Variants in BTBD9 observed in about 807,000 individuals in gnomAD.
BTBD9 encodes BTB domain containing 9, also known as BTB/POZ domain-containing protein 9.
In BTBD9, 49 loss-of-function variants were observed where a neutral mutation model predicts 64.3. The observed-to-expected ratio is 0.76, with a 90% confidence interval of 0.61 to 0.97. BTBD9 has a LOEUF of 0.97. Ranked by LOEUF, BTBD9 falls within the 50% of genes least tolerant of loss-of-function variation. The pLI, the probability that BTBD9 is intolerant of heterozygous loss-of-function variation, is 0.00. For missense variants in BTBD9, 598 were observed against 762.1 expected, an observed-to-expected ratio of 0.78 and a Z score of 2.53; for synonymous variants, 260 against 274.7, an observed-to-expected ratio of 0.95 and a Z score of 0.53.
At position 38,184,144 on chromosome 6, in the gene BTBD9, C is replaced by T. The variant is rs1248714881; in HGVS notation, c.1641+8375G>A. Among the ~76,000 whole-genome samples the T allele has an allele frequency of 2.0e-5, 3 of 152,224 alleles. No individual in the cohort carries two copies. Among genetic ancestry groups the T allele is most frequent in the African/African-American group, 4.8e-5 (2 of 41,456 alleles). On this transcript the variant is annotated intron_variant, in intron 10 of 10. Coordinates refer to ENST00000481247, the MANE Select transcript of BTBD9 (RefSeq NM_001099272.2). The surrounding 1 kb of genome is among the most constrained non-coding windows in gnomAD (Gnocchi z 4.4). Reference sequence around the variant, plus strand: ...TGAGATGCTGTGTTTGCTTACCCATCCTCTGTGGATGGACGCTCGTGGTAT... The same window carrying T: ...TGAGATGCTGTGTTTGCTTACCCATTCTCTGTGGATGGACGCTCGTGGTAT...
chr6:38,587,952 C>G, intron 4 of BTBD9: 1 of 730,252 alleles, frequency 1.4e-6, no homozygotes, highest in East Asian at 2.5e-5. Flanking sequence ...TCAGGAACAT[C>G]TGACAGCATT....
chr6:38,533,930 A>T (rs749554509), intron 6 of BTBD9, among the ~76,000 whole-genome samples: 10 of 152,252 alleles, frequency 6.6e-5, no homozygotes, highest in Admixed American at 1.3e-4. Context: ...CCTACATCAA[A>T]AAAGAAAAAC....
chr6:38,629,275 A>G (rs1216669627), intron 1 of BTBD9, among the ~76,000 whole-genome samples: 1 of 152,236 alleles, frequency 6.6e-6, no homozygotes, highest in Non-Finnish European at 1.5e-5. Flanking sequence ...GTAACAGGAT[A>G]TTTACATCCT....
chr6:38,397,375 T>G (rs1766727445), intron 6 of BTBD9, among the ~76,000 whole-genome samples: 1 of 152,078 alleles, frequency 6.6e-6, no homozygotes. Context: ...TGGAAAAGAA[T>G]TTAAGGACAA....
intron 6 of BTBD9, among the ~76,000 whole-genome samples, chr6:38,567,821 T>C (rs901864989): frequency 6.6e-6 from 1 of 152,232 alleles, no homozygotes; most frequent in Non-Finnish European, 1.5e-5. Flanking sequence ...ACTCACAGTC[T>C]TCTTTAAACA....
chr6:38,529,606 G>A (rs1046994791), intron 6 of BTBD9, among the ~76,000 whole-genome samples: 10 of 152,204 alleles, frequency 6.6e-5, no homozygotes, highest in Non-Finnish European at 1.0e-4. Flanking sequence ...CAGGGACCCC[G>A]AACAGAGGGA....
At chr6:38,227,879 G>A (rs1367301654) in intron 9 of BTBD9, among the ~76,000 whole-genome samples, 1 of 152,174 alleles carries the variant, frequency 6.6e-6, no homozygotes, top group East Asian at 1.9e-4. Context: ...ATTCAAAAGT[G>A]AATCCTAACT....
chr6:38,613,396 T>C (rs929347072), intron 1 of BTBD9, among the ~76,000 whole-genome samples: 26 of 152,130 alleles, frequency 1.7e-4, no homozygotes, highest in African/African-American at 6.3e-4. Context: ...CCAAGGCAGG[T>C]GGATTACCTG....
intron 10 of BTBD9, among the ~76,000 whole-genome samples, chr6:38,190,181 C>A (rs549606768): frequency 6.6e-6 from 1 of 151,890 alleles, no homozygotes; most frequent in East Asian, 1.9e-4. Flanking sequence ...TAAGATGATT[C>A]CTGGCCCAGC....
chr6:38,468,485 T>C (rs1562228599), intron 6 of BTBD9, among the ~76,000 whole-genome samples: 1 of 152,238 alleles, frequency 6.6e-6, no homozygotes, highest in Non-Finnish European at 1.5e-5. Context: ...TTTCAAGGCC[T>C]AGTATAAATA....
intron 6 of BTBD9, among the ~76,000 whole-genome samples, chr6:38,399,368 A>C (rs1377922455): frequency 6.6e-6 from 1 of 152,238 alleles, no homozygotes; most frequent in Non-Finnish European, 1.5e-5. Context: ...TGCAAGTGAA[A>C]GAACGCTGGA....
At chr6:38,236,921 G>C (rs187856639) in intron 9 of BTBD9, among the ~76,000 whole-genome samples, 3 of 152,354 alleles carry the variant, frequency 2.0e-5, no homozygotes, top group Non-Finnish European at 2.9e-5. Flanking sequence ...AGAACTGTGA[G>C]ATGAGAGATG....
At chr6:38,351,166 T>C (rs372475284) in intron 6 of BTBD9, among the ~76,000 whole-genome samples, 41 of 152,342 alleles carry the variant, frequency 2.7e-4, no homozygotes, top group African/African-American at 7.9e-4. Context: ...TGTGGAGCTA[T>C]AGATTCTCTT....
chr6:38,436,749 A>G (rs903070922), intron 6 of BTBD9, among the ~76,000 whole-genome samples: 2 of 152,188 alleles, frequency 1.3e-5, no homozygotes, highest in African/African-American at 4.8e-5. Context: ...AAGGGAGCGG[A>G]CAGGTTTGAA....
intron 6 of BTBD9, among the ~76,000 whole-genome samples, chr6:38,356,316 T>C (rs955423760): frequency 5.3e-5 from 8 of 152,196 alleles, no homozygotes; most frequent in African/African-American, 1.9e-4. Context: ...GGATTTTTTC[T>C]AATTTTTCTT....
chr6:38,539,782 A>G (rs913170535), intron 6 of BTBD9, among the ~76,000 whole-genome samples: 1 of 152,238 alleles, frequency 6.6e-6, no homozygotes, highest in Non-Finnish European at 1.5e-5. Flanking sequence ...ATTGTAAGAG[A>G]TAAATGAGAT....
chr6:38,351,503 TGTTG>T (rs1202609066), intron 6 of BTBD9, among the ~76,000 whole-genome samples: 4 of 118,490 alleles, frequency 3.4e-5, no homozygotes, highest in Middle Eastern at 3.8e-3. Context: ...ATTTAATTGT[TGTTG>T]TTTTTTTTTT....
chr6:38,297,194 C>T (rs146626931), intron 7 of BTBD9, among the ~76,000 whole-genome samples: 4,025 of 152,090 alleles, frequency 0.026, 127 homozygotes, highest in East Asian at 0.084. Context: ...GGTGAAACCC[C>T]GTCTCTACTA....
intron 6 of BTBD9, among the ~76,000 whole-genome samples, chr6:38,569,173 A>G (rs573547271): frequency 6.6e-6 from 1 of 152,378 alleles, no homozygotes; most frequent in South Asian, 2.1e-4. Context: ...ACCTTAGGTA[A>G]GTGTCCTGAA....
Sources: allele counts gnomAD v4.1 joint callset (sites outside exome capture counted in the v4.1 genomes callset), GRCh38; gene constraint gnomAD v4.1.1; non-coding constraint Gnocchi (gnomAD v3.1); transcripts MANE v1.5; gene names NCBI Gene and HGNC (gene_info 2026-07-23, HGNC 2026-07-21).